CRIPT: variants seen among roughly 807,000 people sequenced by gnomAD.
CRIPT encodes CXXC repeat containing interactor of PDZ3 domain, also known as cysteine-rich PDZ-binding protein.
CRIPT carries 20 observed loss-of-function variants against 16.6 expected under a neutral mutation model. The ratio of observed to expected loss-of-function variants is 1.20; its 90% CI spans 0.85 to 1.75. The LOEUF (loss-of-function observed/expected upper bound fraction) is 1.75, where lower values mean the gene tolerates loss of function less well. Ranked by LOEUF, CRIPT falls within the 40% of genes most tolerant of loss-of-function variation. The pLI is 0.00. For missense variants in CRIPT, 133 were observed against 115.3 expected (o/e 1.15, Z -0.70); for synonymous variants, 42 against 37.0 (o/e 1.14, Z -0.49).
chr2:46,623,544 A>G (rs1410831607), intron 3 of CRIPT, among the ~76,000 whole-genome samples: 1 of 152,242 alleles, frequency 6.6e-6, no homozygotes, highest in Non-Finnish European at 1.5e-5. Context: ...AATACTGTAC[A>G]ACTGATTCTT....
rs1558716002 is a variant in CRIPT at position 46,617,261 on chromosome 2, AG to A, written c.-18del. ...TGCTGCTGCTGCTGCTGTTGCGGCTAGGGGAACCGTCGTGGGGAAGGATGGT... is the reference window on the plus strand; with the variant it reads ...TGCTGCTGCTGCTGCTGTTGCGGCTAGGGAACCGTCGTGGGGAAGGATGGT... On this transcript the variant is annotated 5_prime_UTR_variant, in exon 1 of 5. Transcript: ENST00000238892. The A allele has an allele frequency of 1.3e-6, 2 of 1,554,304 alleles. No homozygotes were observed. The highest frequency in any genetic ancestry group is 3.9e-5 in the Admixed American group (2 of 51,062).
chr2:46,627,187 A>T lies in CRIPT; in HGVS notation c.*2960A>T, dbSNP rs1670958002. Among the ~76,000 whole-genome samples, 1 of 152,024 alleles carries T rather than the reference A, an allele frequency of 6.6e-6. No homozygotes were observed. Among genetic ancestry groups the T allele is most frequent in the Admixed American group, 6.5e-5 (1 of 15,270 alleles). On this transcript the variant is annotated 3_prime_UTR_variant, in exon 5 of 5. Coordinates refer to ENST00000238892, the MANE Select transcript of CRIPT (RefSeq NM_014171.6). ...TGTTTTAGTTCCTTATAGATTTTGG[A>T]CATTAGACCTTTTTCAGATGCACAG...
chr2:46,624,269 T>C lies in CRIPT; in HGVS notation c.*42T>C. On this transcript the variant is annotated 3_prime_UTR_variant, in exon 5 of 5. Coordinates refer to ENST00000238892, the MANE Select transcript of CRIPT (RefSeq NM_014171.6). ...TCTGGCTTTCTAAATGATTTTACTTTCTGCCTTGAATTTTCAAGGCATAGA... is the reference window on the plus strand; with the variant it reads ...TCTGGCTTTCTAAATGATTTTACTTCCTGCCTTGAATTTTCAAGGCATAGA... The C allele has an allele frequency of 7.2e-7, 1 of 1,394,488 alleles. No individual in the cohort carries two copies. Among genetic ancestry groups the C allele is most frequent in the Non-Finnish European group, 9.8e-7 (1 of 1,018,968 alleles). The allele number at this position is 1,394,488 out of a possible 1,614,324, so 86.4% of individuals were successfully genotyped here. A position where few individuals can be genotyped will look rare whatever the true frequency, so the allele number is the denominator to read the frequency against.
Position 46,628,111 on chromosome 2 carries a change from T to C in CRIPT, c.*3884T>C, listed in dbSNP as rs1021595358. ...CATATGAATTTTAGAATGGATTTTT[T>C]CTTTTTTTTTTTTTTTGAGACGGAG... On this transcript the variant is annotated 3_prime_UTR_variant, in exon 5 of 5. Transcript: ENST00000238892. 2.2e-5 allele frequency among the ~76,000 whole-genome samples: 3 copies of C among 137,738 alleles called. No individual in the cohort carries two copies. 90.4% of individuals were successfully genotyped at this position (137,738 alleles called of 152,430 possible). A position where few individuals can be genotyped will look rare whatever the true frequency, so the allele number is the denominator to read the frequency against.
At chr2:46,623,734 C>G (rs776324669) in intron 3 of CRIPT, 30 bp from the exon 4 acceptor site, 4 of 1,308,646 alleles carry the variant, frequency 3.1e-6, no homozygotes, top group Non-Finnish European at 4.4e-6. Context: ...GTGTAATATA[C>G]AATTTTCTCT....
Position 46,626,996 on chromosome 2 carries a change from C to T in CRIPT, c.*2769C>T, listed in dbSNP as rs1311231775. Among the ~76,000 whole-genome samples the T allele has an allele frequency of 6.6e-6, 1 of 152,052 alleles. No homozygotes were observed. Among genetic ancestry groups the T allele is most frequent in the Non-Finnish European group, 1.5e-5 (1 of 67,992 alleles). ...TACAGGTGCCTGCCACCAAGCGTGGCTAATTTTGGTACTTTTAGTAGAGAC... is the reference window on the plus strand; with the variant it reads ...TACAGGTGCCTGCCACCAAGCGTGGTTAATTTTGGTACTTTTAGTAGAGAC... On this transcript the variant is annotated 3_prime_UTR_variant, in exon 5 of 5. Transcript: ENST00000238892.
chr2:46,622,351 C>A lies in CRIPT; in HGVS notation c.138-1413C>A, dbSNP rs1010031917. Among the ~76,000 whole-genome samples, 24 of 135,536 alleles carry A rather than the reference C, an allele frequency of 1.8e-4. 1 individual carries two copies. The highest frequency in any genetic ancestry group is 1.6e-3 in the Admixed American group (20 of 12,782). The allele number at this position is 135,536 out of a possible 152,430, so 88.9% of individuals were successfully genotyped here. On this transcript the variant is annotated intron_variant, in intron 3 of 4. Transcript: ENST00000238892. Reference sequence around the variant, plus strand: ...CGCCACTGCATTCCAGCCTGGGCGACAGAGCGAGACTCCGTCTCAAAAAAA... The same window carrying A: ...CGCCACTGCATTCCAGCCTGGGCGAAAGAGCGAGACTCCGTCTCAAAAAAA...
rs1445610440 is a variant in CRIPT at position 46,627,541 on chromosome 2, T to A, written c.*3314T>A. On this transcript the variant is annotated 3_prime_UTR_variant, in exon 5 of 5. Transcript: ENST00000238892. ...TCACCACAACCTCCACCTCCCAGGC[T>A]CAAGCGATTCTCATGCCTCAGCCTC... 6.6e-6 allele frequency among the ~76,000 whole-genome samples: 1 copy of A among 151,576 alleles called. No homozygotes were observed. Among genetic ancestry groups the A allele is most frequent in the Non-Finnish European group, 1.5e-5 (1 of 67,950 alleles).
Position 46,623,704 on chromosome 2 carries a change from G to A in CRIPT, c.138-60G>A, listed in dbSNP as rs375390924. On this transcript the variant is annotated intron_variant, in intron 3 of 4. Transcript: ENST00000238892. ...TAATCCTGTGTGTTGCGTAAGTGGG[G>A]TTATTTAAGAGTGTTTCTAGTGTAA... 2.0e-5 allele frequency: 18 copies of A among 903,596 alleles called. No individual in the cohort carries two copies. In the South Asian group the frequency reaches 2.6e-4, roughly 13 times the overall value. 56.0% of individuals were successfully genotyped at this position (903,596 alleles called of 1,614,324 possible).
rs1182135490 is a variant in CRIPT, at chr2:46,624,290, A to G, written c.*63A>G. 2.9e-6 allele frequency: 3 copies of G among 1,039,600 alleles called. No individual in the cohort carries two copies. Among genetic ancestry groups the G allele is most frequent in the South Asian group, 3.6e-5 (2 of 55,182 alleles). The allele number at this position is 1,039,600 out of a possible 1,614,324, so 64.4% of individuals were successfully genotyped here. A position where few individuals can be genotyped will look rare whatever the true frequency, so the allele number is the denominator to read the frequency against. On this transcript the variant is annotated 3_prime_UTR_variant, in exon 5 of 5. Coordinates refer to ENST00000238892, the MANE Select transcript of CRIPT (RefSeq NM_014171.6). ...ACTTTCTGCCTTGAATTTTCAAGGCATAGATGTCAACTTACAGAATAACAT... is the reference window on the plus strand; with the variant it reads ...ACTTTCTGCCTTGAATTTTCAAGGCGTAGATGTCAACTTACAGAATAACAT...
chr2:46,621,593 T>G (rs1670805429), intron 3 of CRIPT, among the ~76,000 whole-genome samples: 1 of 152,260 alleles, frequency 6.6e-6, no homozygotes, highest in Admixed American at 6.5e-5. Context: ...CTCTTCTCAC[T>G]ACAATATTAT....
chr2:46,619,488 T>A lies in CRIPT; in HGVS notation c.83-139T>A, dbSNP rs137913600. 2,757 of 527,686 alleles carry A rather than the reference T, an allele frequency of 5.2e-3. 70 individuals are homozygous for A. Among genetic ancestry groups the A allele is most frequent in the African/African-American group, 0.051 (2,561 of 50,540 alleles). 32.7% of individuals were successfully genotyped at this position (527,686 alleles called of 1,614,324 possible). On this transcript the variant is annotated intron_variant, in intron 2 of 4. Transcript: ENST00000238892. ...ATAAATATTTTCTTTTTAAGCAGTATCTTAATAACCTATTAAATGAGGATT... is the reference window on the plus strand; with the variant it reads ...ATAAATATTTTCTTTTTAAGCAGTAACTTAATAACCTATTAAATGAGGATT...
At position 46,628,995 on chromosome 2, in the gene CRIPT, A is replaced by G. The variant is rs1483431865; in HGVS notation, c.*4768A>G. Among the ~76,000 whole-genome samples, 2 of 152,262 alleles carry G rather than the reference A, an allele frequency of 1.3e-5. No individual in the cohort carries two copies. Among genetic ancestry groups the G allele is most frequent in the African/African-American group, 2.4e-5 (1 of 41,478 alleles). On this transcript the variant is annotated 3_prime_UTR_variant, in exon 5 of 5. Transcript: ENST00000238892. ...AGAATCTGTTAAGATATCAGATTGT[A>G]ATATAAAAGATACTAGAAACAAATG...
At chr2:46,620,463 G>A (rs1328641003) in intron 3 of CRIPT, among the ~76,000 whole-genome samples, 28 of 151,902 alleles carry the variant, frequency 1.8e-4, no homozygotes, top group East Asian at 1.9e-4. Context: ...AAAAAATTTC[G>A]TGAACCCTTT....
chr2:46,623,892 C>G, intron 4 of CRIPT, 25 bp downstream of exon 4: 1 of 1,499,700 alleles, frequency 6.7e-7, no homozygotes, highest in African/African-American at 1.4e-5. Flanking sequence ...ATACCGTTTT[C>G]TATTCATAAA....
At chr2:46,621,318 G>A (rs907132282) in intron 3 of CRIPT, among the ~76,000 whole-genome samples, 3 of 152,018 alleles carry the variant, frequency 2.0e-5, no homozygotes, top group African/African-American at 7.3e-5. Flanking sequence ...GTCTTTATTA[G>A]TTCTGCCAAG....
Position 46,624,197 on chromosome 2 carries a change from T to C in CRIPT, c.276T>C (p.Asp92=). The change falls in exon 5 of 5, where the codon GAT becomes GAC. Residue 92 remains aspartate, a synonymous_variant. Transcript: ENST00000238892. ...ICAMCGKKVL[D]TKNYKQTSV is the part of the protein sequence containing the mutation. ...CGATGTGTGGAAAAAAGGTTTTGGA[T>C]ACCAAAAACTACAAGCAAACATCTG... 6.3e-7 allele frequency: 1 copy of C among 1,583,380 alleles called. No individual in the cohort carries two copies.
In CRIPT at chr2:46,626,562, A is replaced by G. The variant is rs1670943842; in HGVS notation, c.*2335A>G. On this transcript the variant is annotated 3_prime_UTR_variant, in exon 5 of 5. Coordinates refer to ENST00000238892, the MANE Select transcript of CRIPT (RefSeq NM_014171.6). ...TTTGCATTTCCATCAGTGTAGGCGC[A>G]TTCTACACTGCACTGGCTTCTACAG... Among the ~76,000 whole-genome samples, 3 of 152,170 alleles carry G rather than the reference A, an allele frequency of 2.0e-5. No individual in the cohort carries two copies. The South Asian group carries it at 6.2e-4, about 31-fold the overall frequency.
In CRIPT at chr2:46,629,021, C is replaced by T. The variant is rs978512025; in HGVS notation, c.*4794C>T. On this transcript the variant is annotated 3_prime_UTR_variant, in exon 5 of 5. Coordinates refer to ENST00000238892, the MANE Select transcript of CRIPT (RefSeq NM_014171.6). ...ATATAAAAGATACTAGAAACAAATGCCAATAGAACACTTAAGTACATTTTA... is the reference window on the plus strand; with the variant it reads ...ATATAAAAGATACTAGAAACAAATGTCAATAGAACACTTAAGTACATTTTA... 3.3e-5 allele frequency among the ~76,000 whole-genome samples: 5 copies of T among 152,094 alleles called. No individual in the cohort carries two copies. In the South Asian group the frequency reaches 1.0e-3, roughly 31 times the overall value.
Sources: gnomAD v4.1 joint callset for allele counts (sites outside exome capture counted in the v4.1 genomes callset) on GRCh38, gnomAD v4.1.1 for gene constraint, MANE v1.5 for transcripts, NCBI Gene and HGNC (gene_info 2026-07-23, HGNC 2026-07-21) for gene names.